The following DCC variants were observed in gnomAD, a reference collection of about 807,000 sequenced individuals.
DCC encodes the protein netrin receptor DCC.
In DCC, 58 loss-of-function variants were observed where a neutral mutation model predicts 172.5. That is an observed-to-expected ratio of 0.34 (90% CI 0.27 to 0.42). DCC has a LOEUF of 0.42. Ranked by LOEUF, DCC falls within the 10% of genes least tolerant of loss-of-function variation. The pLI, the probability that DCC is intolerant of heterozygous loss-of-function variation, is 1.00. For synonymous variants in DCC, 709 were observed against 644.5 expected (o/e 1.10, Z -1.52); for missense variants, 1,740 against 1,791.0 (o/e 0.97, Z 0.51).
rs200830938 is a variant in DCC, at chr18:53,157,422, G to A, written c.1328G>A (p.Arg443Gln). ...GTGGTCCCTGTCTTGGTTTCCAGCC[G>A]ATTTGTCCGTCTCAGCTGGCGCCCA... ...RDVVPVLVSS[R>Q]FVRLSWRPPA... The change falls in exon 8 of 29, where the codon CGA becomes CAA. Residue 443 changes from arginine (R) to glutamine (Q), a missense_variant. By Grantham distance (43) the Arg-to-Gln change is conservative (BLOSUM62 1). Around this residue, in one of 2 missense-constraint regions of DCC, gnomAD observed 1,732 missense variants for 1,767.4 expected, o/e 0.98. Coordinates refer to ENST00000442544, the MANE Select transcript of DCC (RefSeq NM_005215.4). The A allele has an allele frequency of 8.1e-6, 13 of 1,614,106 alleles. No individual in the cohort carries two copies. The highest frequency in any genetic ancestry group is 1.6e-4 in the Middle Eastern group (1 of 6,062).
At chr18:52,993,081 T>G (rs771301449) in intron 5 of DCC, among the ~76,000 whole-genome samples, 30 of 152,104 alleles carry the variant, frequency 2.0e-4, no homozygotes, top group Non-Finnish European at 3.8e-4. Flanking sequence ...ATCAGTCTTT[T>G]TTTTCTAAAT....
chr18:53,367,974 T>A (rs781710947), intron 15 of DCC, among the ~76,000 whole-genome samples: 1 of 152,172 alleles, frequency 6.6e-6, no homozygotes, highest in African/African-American at 2.4e-5. Flanking sequence ...ATATGGTAAT[T>A]CTATTTTTAA....
At chr18:53,227,072 C>T (rs954561932) in intron 12 of DCC, among the ~76,000 whole-genome samples, 5 of 149,794 alleles carry the variant, frequency 3.3e-5, no homozygotes, top group African/African-American at 1.2e-4. Flanking sequence ...GCCTTAGCCT[C>T]CCGAGTAGCT....
At chr18:53,515,793 TAA>T (rs2046326605) in intron 27 of DCC, among the ~76,000 whole-genome samples, 1 of 151,518 alleles carries the variant, frequency 6.6e-6, no homozygotes, top group African/African-American at 2.4e-5. Flanking sequence ...CTCAAGGAAA[TAA>T]AAGAGGATAC....
intron 1 of DCC, among the ~76,000 whole-genome samples, chr18:52,721,358 A>C (rs776865775): frequency 6.6e-6 from 1 of 152,310 alleles, no homozygotes; most frequent in Non-Finnish European, 1.5e-5. Context: ...AGCTCAAAAA[A>C]TTCTCAAAAT....
intron 5 of DCC, among the ~76,000 whole-genome samples, chr18:53,010,085 G>A (rs2041706408): frequency 6.6e-6 from 1 of 151,860 alleles, no homozygotes; most frequent in South Asian, 2.1e-4. Context: ...GTTTTGTTTA[G>A]TTTAGTTAAT....
chr18:52,383,200 A>G (rs1411149837), intron 1 of DCC, among the ~76,000 whole-genome samples: 1 of 152,142 alleles, frequency 6.6e-6, no homozygotes, highest in East Asian at 1.9e-4. Flanking sequence ...GATAGATATC[A>G]GCAATAGTTT....
At chr18:53,462,286 C>T (rs2045568941) in intron 24 of DCC, among the ~76,000 whole-genome samples, 1 of 152,092 alleles carries the variant, frequency 6.6e-6, no homozygotes, top group South Asian at 2.1e-4. Flanking sequence ...AGCAAAGCTT[C>T]ATATGTATTT....
At chr18:52,810,209 TAAAGACA>T (rs2038167675) in intron 2 of DCC, among the ~76,000 whole-genome samples, 1 of 152,180 alleles carries the variant, frequency 6.6e-6, no homozygotes, top group Non-Finnish European at 1.5e-5. Context: ...GACCCACTTC[TAAAGACA>T]GGAGGAAGAG....
intron 7 of DCC, among the ~76,000 whole-genome samples, chr18:53,149,375 G>A (rs1020927160): frequency 7.9e-5 from 12 of 152,110 alleles, no homozygotes; most frequent in African/African-American, 2.9e-4. Flanking sequence ...TAAATATTTT[G>A]TATCCACTTT....
intron 21 of DCC, among the ~76,000 whole-genome samples, chr18:53,433,895 G>C (rs1202427743): frequency 6.6e-6 from 1 of 152,112 alleles, no homozygotes; most frequent in Non-Finnish European, 1.5e-5. Flanking sequence ...TAAGGTGACT[G>C]AATTAATTTA....
chr18:52,713,554 G>A (rs75425519), intron 1 of DCC, among the ~76,000 whole-genome samples: 4,034 of 152,256 alleles, frequency 0.026, 174 homozygotes, highest in African/African-American at 0.092. Context: ...GTGAGATACA[G>A]GGCAGCCCCC....
intron 1 of DCC, among the ~76,000 whole-genome samples, chr18:52,680,051 G>A (rs1054520445): frequency 6.6e-6 from 1 of 152,032 alleles, no homozygotes; most frequent in African/African-American, 2.4e-5. Context: ...TGTATTATGT[G>A]GAAGTATTAG....
At chr18:53,454,495 T>C (rs1005941754) in intron 23 of DCC, among the ~76,000 whole-genome samples, 1 of 152,176 alleles carries the variant, frequency 6.6e-6, no homozygotes, top group Non-Finnish European at 1.5e-5. Context: ...ATATATGAAA[T>C]TGAGCAAATC....
chr18:52,562,170 A>G (rs1347048344), intron 1 of DCC, among the ~76,000 whole-genome samples: 1 of 152,204 alleles, frequency 6.6e-6, no homozygotes, highest in Non-Finnish European at 1.5e-5. Flanking sequence ...CTAAGCTCTC[A>G]GAGGAGGGAT....
chr18:52,860,655 T>C (rs1438480863), intron 2 of DCC, among the ~76,000 whole-genome samples: 1 of 152,232 alleles, frequency 6.6e-6, no homozygotes, highest in Non-Finnish European at 1.5e-5. Context: ...AGCCTTATTA[T>C]TTGCATAGAG....
intron 21 of DCC, among the ~76,000 whole-genome samples, chr18:53,434,377 T>C (rs1292015638): frequency 1.3e-5 from 2 of 152,192 alleles, no homozygotes; most frequent in African/African-American, 4.8e-5. Context: ...TTCAGTTCTA[T>C]GAATGCACCA....
intron 21 of DCC, among the ~76,000 whole-genome samples, chr18:53,433,173 A>T (rs973962830): frequency 6.6e-6 from 1 of 152,096 alleles, no homozygotes; most frequent in African/African-American, 2.4e-5. Flanking sequence ...GAGTTCCTTT[A>T]TCTCACCCAG....
At chr18:52,397,228 A>C (rs2144364513) in intron 1 of DCC, among the ~76,000 whole-genome samples, 1 of 152,142 alleles carries the variant, frequency 6.6e-6, no homozygotes, top group South Asian at 2.1e-4. Context: ...TTCTGATTTA[A>C]TATTCTGGGG....
Sources: gnomAD v4.1 joint callset for allele counts (sites outside exome capture counted in the v4.1 genomes callset) on GRCh38, gnomAD v4.1.1 for gene constraint, gnomAD v4.1.1 regional missense constraint, MANE v1.5 for transcripts, NCBI Gene and HGNC (gene_info 2026-07-23, HGNC 2026-07-21) for gene names.